The following MACROD2 variants were observed in gnomAD, a reference collection of about 807,000 sequenced individuals.
MACROD2 encodes the protein mono-ADP ribosylhydrolase 2.
Under a neutral mutation model 70.4 loss-of-function variants are expected in MACROD2, and 36 were observed. The observed-to-expected ratio is 0.51, with a 90% CI of 0.39 to 0.68. MACROD2 has a LOEUF of 0.68. Ranked by LOEUF, MACROD2 falls within the 30% of genes least tolerant of loss-of-function variation. MACROD2 has a pLI of 0.00. For synonymous variants in MACROD2, 172 were observed against 178.8 expected, an observed-to-expected ratio of 0.96 and a Z score of 0.30; for missense variants, 496 against 538.4, an observed-to-expected ratio of 0.92 and a Z score of 0.78.
Position 16,049,598 on chromosome 20 carries a change from G to A in MACROD2, c.1301-232G>A, listed in dbSNP as rs528132078. On this transcript the variant is annotated intron_variant, in intron 17 of 17. Coordinates refer to ENST00000684519, the MANE Select transcript of MACROD2 (RefSeq NM_001351661.2). ...TAATCGTCCCCATCAGCCAAAGCTC[G>A]TTGTCAATGTGGCATACATTTATTA... Among the ~76,000 whole-genome samples the A allele has an allele frequency of 3.8e-4, 58 of 152,266 alleles. 1 individual carries two copies. The East Asian group carries it at 4.1e-3, about 11-fold the overall frequency.
intron 8 of MACROD2, among the ~76,000 whole-genome samples, chr20:15,748,489 G>A (rs1022999689): frequency 1.3e-5 from 2 of 151,858 alleles, no homozygotes; most frequent in Middle Eastern, 3.4e-3. Context: ...GTGGAATATA[G>A]GTTATAATTA....
chr20:14,017,999 T>C (rs2053018119), intron 2 of MACROD2, among the ~76,000 whole-genome samples: 2 of 152,300 alleles, frequency 1.3e-5, no homozygotes, highest in South Asian at 4.1e-4. Context: ...TGAAGTTTTC[T>C]ATTTCTTTGT....
intron 6 of MACROD2, among the ~76,000 whole-genome samples, chr20:15,270,154 CTT>C (rs3045758): frequency 0.069 from 8,168 of 118,250 alleles, 282 homozygotes; most frequent in African/African-American, 0.11. Flanking sequence ...CTGACACAGC[CTT>C]TTTTTTTTTT....
intron 3 of MACROD2, among the ~76,000 whole-genome samples, chr20:14,100,412 A>T (rs901875730): frequency 4.0e-5 from 6 of 150,594 alleles, no homozygotes; most frequent in Non-Finnish European, 8.9e-5. Context: ...AGATTCGTCT[A>T]ATTTCTTATA....
intron 8 of MACROD2, among the ~76,000 whole-genome samples, chr20:15,857,756 A>G (rs2064373562): frequency 6.6e-6 from 1 of 152,236 alleles, no homozygotes; most frequent in South Asian, 2.1e-4. Flanking sequence ...GAAAGAAAGA[A>G]AGAAAAAAAC....
chr20:15,952,358 T>A (rs1189453470), intron 12 of MACROD2, among the ~76,000 whole-genome samples: 1 of 152,066 alleles, frequency 6.6e-6, no homozygotes, highest in African/African-American at 2.4e-5. Context: ...TTTCCCTGAA[T>A]CTTCCTTCAT....
At chr20:14,130,815 T>G (rs2054707472) in intron 3 of MACROD2, among the ~76,000 whole-genome samples, 1 of 152,138 alleles carries the variant, frequency 6.6e-6, no homozygotes, top group South Asian at 2.1e-4. Context: ...ATTATGAACA[T>G]TTTAGATTAG....
chr20:14,702,308 C>G (rs887581489), intron 5 of MACROD2, among the ~76,000 whole-genome samples: 1 of 151,518 alleles, frequency 6.6e-6, no homozygotes, highest in Non-Finnish European at 1.5e-5. Context: ...TTATTTCTGA[C>G]AAATTCTTCT....
intron 3 of MACROD2, among the ~76,000 whole-genome samples, chr20:14,196,067 C>G (rs886783959): frequency 6.6e-6 from 1 of 152,108 alleles, no homozygotes; most frequent in African/African-American, 2.4e-5. Context: ...GGGTCGGATC[C>G]CCACAGCCTG....
At chr20:14,170,983 TG>T (rs1170568736) in intron 3 of MACROD2, among the ~76,000 whole-genome samples, 3 of 152,138 alleles carry the variant, frequency 2.0e-5, no homozygotes, top group Non-Finnish European at 1.5e-5. Context: ...GGGCTTTTTT[TG>T]TTGGCAATTT....
intron 3 of MACROD2, among the ~76,000 whole-genome samples, chr20:14,154,815 A>G (rs962141942): frequency 6.6e-6 from 1 of 152,088 alleles, no homozygotes; most frequent in Non-Finnish European, 1.5e-5. Flanking sequence ...CCCTTGGGCC[A>G]CAAGCCTGTA....
chr20:15,354,556 A>G (rs1343819774), intron 6 of MACROD2, among the ~76,000 whole-genome samples: 1 of 152,214 alleles, frequency 6.6e-6, no homozygotes. Flanking sequence ...ATTCTTTTGG[A>G]AAACAATTTG....
Position 15,206,721 on chromosome 20 carries a change from G to GTTTTTTTTTTTTTTTTTTTTTTTTTTTT in MACROD2, c.419-23193_419-23192insTTTTTTTTTTTTTTTTTTTTTTTTTTTT, listed in dbSNP as rs56752104. 7.9e-4 allele frequency among the ~76,000 whole-genome samples: 26 copies of GTTTTTTTTTTTTTTTTTTTTTTTTTTTT among 33,000 alleles called. 8 individuals carry two copies. The highest frequency in any genetic ancestry group is 1.2e-3 in the African/African-American group (8 of 6,544). The allele number at this position is 33,000 out of a possible 152,430, so 21.6% of individuals were successfully genotyped here. On this transcript the variant is annotated intron_variant, in intron 5 of 17. Coordinates refer to ENST00000684519, the MANE Select transcript of MACROD2 (RefSeq NM_001351661.2). ...GCATGAAGTCTTTCATATTATCTATGTTTTTTTTTTTTTTTTTTTTTTTTT... is the reference window on the plus strand; with the variant it reads ...GCATGAAGTCTTTCATATTATCTATGTTTTTTTTTTTTTTTTTTTTTTTTTTTTTTTTTTTTTTTTTTTTTTTTTTTTT...
At chr20:14,812,390 G>A (rs2072725674) in intron 5 of MACROD2, among the ~76,000 whole-genome samples, 1 of 151,924 alleles carries the variant, frequency 6.6e-6, no homozygotes, top group Non-Finnish European at 1.5e-5. Context: ...TGGGCACAGT[G>A]AGGGGAACAT....
At chr20:14,972,038 G>A (rs1373000984) in intron 5 of MACROD2, among the ~76,000 whole-genome samples, 2 of 152,170 alleles carry the variant, frequency 1.3e-5, no homozygotes, top group East Asian at 3.9e-4. Flanking sequence ...TCATTAAAAG[G>A]AAAACCTTAC....
intron 2 of MACROD2, among the ~76,000 whole-genome samples, chr20:14,079,207 T>A (rs2053956856): frequency 6.6e-6 from 1 of 152,238 alleles, no homozygotes; most frequent in African/African-American, 2.4e-5. Context: ...CAAAACTGAT[T>A]GTCTCAGAGA....
At chr20:15,250,051 T>C (rs2077141503) in intron 6 of MACROD2, among the ~76,000 whole-genome samples, 1 of 152,226 alleles carries the variant, frequency 6.6e-6, no homozygotes, top group African/African-American at 2.4e-5. Context: ...GGCCACCCTC[T>C]TGTGTCTCCT....
intron 3 of MACROD2, among the ~76,000 whole-genome samples, chr20:14,356,728 C>T (rs1411162942): frequency 1.3e-5 from 2 of 152,108 alleles, no homozygotes; most frequent in East Asian, 3.9e-4. Context: ...TGGTCTCAAA[C>T]TCCTGACTTC....
intron 3 of MACROD2, among the ~76,000 whole-genome samples, chr20:14,264,201 G>A (rs960533050): frequency 1.2e-4 from 19 of 152,060 alleles, no homozygotes; most frequent in East Asian, 9.6e-4. Flanking sequence ...ACTACTGGAC[G>A]TACCAGGAAT....
Sources: allele counts gnomAD v4.1 joint callset (sites outside exome capture counted in the v4.1 genomes callset), GRCh38; gene constraint gnomAD v4.1.1; transcripts MANE v1.5; gene names NCBI Gene and HGNC (gene_info 2026-07-23, HGNC 2026-07-21).